The following SV2C variants were observed in gnomAD, a reference collection of about 807,000 sequenced individuals.
The protein encoded by SV2C is solute carrier family 22 member B3.
In SV2C, 49 loss-of-function variants were observed where a neutral mutation model predicts 79.7. The ratio of observed to expected loss-of-function variants is 0.61; its 90% CI spans 0.49 to 0.78. The LOEUF (loss-of-function observed/expected upper bound fraction) is 0.78. SV2C is among the 30% of genes least tolerant of loss of function. The pLI, the probability that SV2C is intolerant of heterozygous loss-of-function variation, is 0.00. For synonymous variants in SV2C, 334 were observed against 333.2 expected (o/e 1.00, Z -0.03); for missense variants, 833 against 912.9 (o/e 0.91, Z 1.13).
the SV2C span, among the ~76,000 whole-genome samples, chr5:75,880,664 C>A: frequency 6.6e-6 from 1 of 152,152 alleles, no homozygotes. Flanking sequence ...AACCACTTAA[C>A]CAGTCTCTAA....
intron 4 of SV2C, among the ~76,000 whole-genome samples, chr5:76,215,204 G>T (rs1419343564): frequency 1.3e-5 from 2 of 152,142 alleles, no homozygotes; most frequent in Non-Finnish European, 2.9e-5. Flanking sequence ...GTTCTAATGT[G>T]CAGCCAGGTT....
the SV2C span, among the ~76,000 whole-genome samples, chr5:75,989,184 A>G: frequency 0.46 from 69,889 of 151,394 alleles, 16,841 homozygotes; most frequent in East Asian, 0.67. Context: ...CGTGCAGGAG[A>G]ATGCGCAGGT....
intron 6 of SV2C, among the ~76,000 whole-genome samples, chr5:76,286,430 G>A (rs1024998504): frequency 6.6e-6 from 1 of 152,058 alleles, no homozygotes; most frequent in Non-Finnish European, 1.5e-5. Context: ...TCTCTAAGAT[G>A]TCAGAGAGAC....
At chr5:76,226,717 C>T (rs889621957) in intron 4 of SV2C, among the ~76,000 whole-genome samples, 8 of 152,162 alleles carry the variant, frequency 5.3e-5, no homozygotes, top group African/African-American at 1.9e-4. Context: ...ACAGAACACA[C>T]GTGCAGGTCA....
At chr5:76,024,313 CTT>C in the SV2C span, among the ~76,000 whole-genome samples, 44 of 152,240 alleles carry the variant, frequency 2.9e-4, no homozygotes, top group Non-Finnish European at 4.3e-4. Flanking sequence ...CAGTAGCTAA[CTT>C]TTCAAAATAT....
chr5:76,089,180 T>G (rs1051534575), intron 1 of SV2C, among the ~76,000 whole-genome samples: 2 of 152,144 alleles, frequency 1.3e-5, no homozygotes, highest in African/African-American at 4.8e-5. Flanking sequence ...CTCCCTTCCC[T>G]CAGTCCCTCC....
the SV2C span, among the ~76,000 whole-genome samples, chr5:75,857,755 AT>A: frequency 6.6e-6 from 1 of 152,116 alleles, no homozygotes; most frequent in Non-Finnish European, 1.5e-5. Context: ...ATATCTTTCC[AT>A]TTTTTGTGTC....
chr5:75,894,734 G>A, the SV2C span, among the ~76,000 whole-genome samples: 1 of 152,018 alleles, frequency 6.6e-6, no homozygotes, highest in Non-Finnish European at 1.5e-5. Context: ...CAATCAAAAA[G>A]CTTAAAAGGA....
the SV2C span, among the ~76,000 whole-genome samples, chr5:75,960,065 T>C: frequency 6.6e-6 from 1 of 152,022 alleles, no homozygotes. Flanking sequence ...ATATTTTAGC[T>C]AGCATTCCTT....
the SV2C span, among the ~76,000 whole-genome samples, chr5:75,983,484 A>C: frequency 3.2e-3 from 485 of 152,180 alleles, 4 homozygotes; most frequent in Non-Finnish European, 2.5e-3. Flanking sequence ...GATGGTCATG[A>C]GTGCAGAAGA....
intron 4 of SV2C, among the ~76,000 whole-genome samples, chr5:76,277,622 C>T (rs914680903): frequency 5.9e-5 from 9 of 151,962 alleles, no homozygotes; most frequent in Non-Finnish European, 8.8e-5. Context: ...AAAAGTTAGC[C>T]GGGCATGGTG....
At chr5:76,340,924 ATTTTT>A (rs56102200) in intron 12 of SV2C, among the ~76,000 whole-genome samples, 1 of 111,946 alleles carries the variant, frequency 8.9e-6, no homozygotes, top group Non-Finnish European at 1.7e-5. Flanking sequence ...GTTTTACAAA[ATTTTT>A]TTTTTTTTTT....
chr5:76,280,974 GC>G, intron 4 of SV2C: 1 of 537,704 alleles, frequency 1.9e-6, no homozygotes. Context: ...TGGTGATGCG[GC>G]CCAACAGGAA....
chr5:76,147,659 C>T (rs926446504), intron 2 of SV2C, among the ~76,000 whole-genome samples: 8 of 152,154 alleles, frequency 5.3e-5, no homozygotes, highest in African/African-American at 1.9e-4. Flanking sequence ...AAGTATGCAA[C>T]CTAAAACATT....
At chr5:76,290,749 G>A (rs1747534384) in intron 6 of SV2C, among the ~76,000 whole-genome samples, 1 of 152,190 alleles carries the variant, frequency 6.6e-6, no homozygotes, top group African/African-American at 2.4e-5. Flanking sequence ...GGAAGAAAAG[G>A]ACCGGAAGTG....
At chr5:76,018,225 T>C in the SV2C span, among the ~76,000 whole-genome samples, 3 of 152,216 alleles carry the variant, frequency 2.0e-5, no homozygotes, top group Non-Finnish European at 2.9e-5. Flanking sequence ...TGGTGGACAC[T>C]GTTCCCTGCA....
intron 2 of SV2C, among the ~76,000 whole-genome samples, chr5:76,142,550 C>T (rs1194084831): frequency 2.6e-5 from 4 of 152,138 alleles, no homozygotes; most frequent in African/African-American, 9.7e-5. Flanking sequence ...ATTCACTGTT[C>T]CAGTCCCTTG....
chr5:76,083,579 G>T (rs1370081873), intron 1 of SV2C, 67 bp downstream of exon 1: 1 of 152,302 alleles, frequency 6.6e-6, no homozygotes, highest in African/African-American at 2.4e-5. Context: ...TTCTCTTCCC[G>T]ACTGGTGGCC....
At chr5:76,241,073 C>T (rs1214509933) in intron 4 of SV2C, among the ~76,000 whole-genome samples, 1 of 152,116 alleles carries the variant, frequency 6.6e-6, no homozygotes, top group Non-Finnish European at 1.5e-5. Flanking sequence ...TCTCCTGCCT[C>T]AGCCTCCCGA....
Sources: gnomAD v4.1 joint callset for allele counts (sites outside exome capture counted in the v4.1 genomes callset) on GRCh38, gnomAD v4.1.1 for gene constraint, MANE v1.5 for transcripts, NCBI Gene and HGNC (gene_info 2026-07-23, HGNC 2026-07-21) for gene names.